Variants in PTPRA observed in about 807,000 individuals in gnomAD.
PTPRA encodes receptor-type tyrosine-protein phosphatase alpha.
Under a neutral mutation model 104.8 loss-of-function variants are expected in PTPRA, and 25 were observed. The observed-to-expected ratio is 0.24, with a 90% CI of 0.17 to 0.33. The LOEUF (loss-of-function observed/expected upper bound fraction) is 0.33, where lower values mean the gene tolerates loss of function less well. Ranked by LOEUF, PTPRA falls within the 10% of genes least tolerant of loss-of-function variation. The pLI is 1.00. For missense variants in PTPRA, 765 were observed against 1,015.3 expected (o/e 0.75, Z 3.35); for synonymous variants, 323 against 368.9 (o/e 0.88, Z 1.43).
At chr20:2,867,418 C>A in the PTPRA span, among the ~76,000 whole-genome samples, 4 of 152,176 alleles carry the variant, frequency 2.6e-5, no homozygotes, top group African/African-American at 9.7e-5. Context: ...ACCATGAACA[C>A]CAGACCCGCA....
At chr20:2,930,234 T>G (rs6138953) in intron 2 of PTPRA, among the ~76,000 whole-genome samples, 5,243 of 152,258 alleles carry the variant, frequency 0.034, 236 homozygotes, top group Admixed American at 0.1. Context: ...TTACTGAGAA[T>G]AGCAGGATGG....
chr20:2,990,339 C>T (rs73581790), intron 9 of PTPRA, among the ~76,000 whole-genome samples: 8,342 of 152,184 alleles, frequency 0.055, 727 homozygotes, highest in African/African-American at 0.19. Flanking sequence ...CTGGAGACTT[C>T]TCTTGTCACA....
rs1242521093 is a variant in PTPRA at position 2,883,483 on chromosome 20, T to A, written c.-129+9723T>A. Among the ~76,000 whole-genome samples the A allele has an allele frequency of 4.0e-5, 2 of 50,082 alleles. 1 individual carries two copies. The highest frequency in any genetic ancestry group is 2.8e-3 in the East Asian group (2 of 708). 32.9% of individuals were successfully genotyped at this position (50,082 alleles called of 152,430 possible). Reference sequence around the variant, plus strand: ...CTGGCTAACACGGTGAAACCCCGTCTCCACTAAAAATACAAAAAATTAGCC... The same window carrying A: ...CTGGCTAACACGGTGAAACCCCGTCACCACTAAAAATACAAAAAATTAGCC... On this transcript the variant is annotated intron_variant, in intron 1 of 23. Coordinates refer to ENST00000399903, the MANE Select transcript of PTPRA (RefSeq NM_001385305.1).
intron 13 of PTPRA, among the ~76,000 whole-genome samples, chr20:3,020,925 C>G (rs1388810375): frequency 6.6e-6 from 1 of 152,260 alleles, no homozygotes; most frequent in African/African-American, 2.4e-5. Context: ...TGGTGGCCCC[C>G]TCATAGCAGA....
intron 1 of PTPRA, among the ~76,000 whole-genome samples, chr20:2,906,108 T>C (rs1190792715): frequency 1.3e-5 from 2 of 152,202 alleles, no homozygotes; most frequent in African/African-American, 4.8e-5. Flanking sequence ...GTTATGGATA[T>C]GATATATTTG....
At chr20:2,912,055 C>T (rs1299871197) in intron 1 of PTPRA, among the ~76,000 whole-genome samples, 4 of 151,762 alleles carry the variant, frequency 2.6e-5, no homozygotes, top group Non-Finnish European at 5.9e-5. Context: ...CAAGCCTGGG[C>T]AACCTGGTGA....
chr20:2,969,936 C>G (rs1465411061), intron 5 of PTPRA, among the ~76,000 whole-genome samples: 1 of 151,674 alleles, frequency 6.6e-6, no homozygotes, highest in Admixed American at 6.6e-5. Context: ...CGCCACTACA[C>G]TCCAGCCTGG....
chr20:2,942,087 T>C (rs920771733), intron 2 of PTPRA, among the ~76,000 whole-genome samples: 2 of 152,204 alleles, frequency 1.3e-5, no homozygotes, highest in African/African-American at 4.8e-5. Flanking sequence ...AAATACTGAG[T>C]AAGCGGGTTA....
At chr20:3,031,631 C>T (rs2065459615) in intron 20 of PTPRA, among the ~76,000 whole-genome samples, 1 of 152,162 alleles carries the variant, frequency 6.6e-6, no homozygotes, top group South Asian at 2.1e-4. Flanking sequence ...AGGCATCCGC[C>T]CTGTTTACTG....
intron 11 of PTPRA, among the ~76,000 whole-genome samples, chr20:3,010,411 A>G (rs372921319): frequency 7.3e-5 from 11 of 151,642 alleles, no homozygotes; most frequent in East Asian, 4.0e-4. Flanking sequence ...GGCGGATCAC[A>G]AGGTCAGGAG....
At chr20:2,894,782 C>G (rs952777464) in intron 1 of PTPRA, among the ~76,000 whole-genome samples, 3 of 151,936 alleles carry the variant, frequency 2.0e-5, no homozygotes, top group East Asian at 1.9e-4. Flanking sequence ...GTCAGGAGAT[C>G]AAGACCATCT....
In PTPRA at chr20:3,027,714, G is replaced by T; in HGVS notation, c.1793G>T (p.Arg598Leu). Reference sequence around the variant, plus strand: ...TTAACCTGGCCTGTGCAGGGCTACCGGCAGAAGGACTCCTATATCGCCAGC... The same window carrying T: ...TTAACCTGGCCTGTGCAGGGCTACCTGCAGAAGGACTCCTATATCGCCAGC... ...YVNASFIDGYRQKDSYIASQG... is the reference protein window; with the variant it reads ...YVNASFIDGYLQKDSYIASQG... Residue 598 changes from arginine (R) to leucine (L), a missense_variant, in exon 20 of 24, where the codon CGG becomes CTG. Arg to Leu is a moderately radical substitution (Grantham distance 102). Coordinates refer to ENST00000399903, the MANE Select transcript of PTPRA (RefSeq NM_001385305.1). 1 of 1,613,850 alleles carries T rather than the reference G, an allele frequency of 6.2e-7. No individual in the cohort carries two copies. The highest frequency in any genetic ancestry group is 8.5e-7 in the Non-Finnish European group (1 of 1,179,958).
the PTPRA span, chr20:2,865,344 GGTCCCAGGACCAC>G: frequency 2.5e-6 from 4 of 1,614,074 alleles, no homozygotes; most frequent in Non-Finnish European, 3.4e-6. The surrounding 1 kb of genome is among the most constrained non-coding windows in gnomAD (Gnocchi z 5.2). Flanking sequence ...GCTGCATGTG[GGTCCCAGGACCAC>G]CTGCCTCTCC....
At chr20:2,918,097 A>G (rs1392949046) in intron 1 of PTPRA, among the ~76,000 whole-genome samples, 1 of 152,040 alleles carries the variant, frequency 6.6e-6, no homozygotes, top group Non-Finnish European at 1.5e-5. Flanking sequence ...CAAAAAAAAA[A>G]AAAAAAAAAA....
chr20:2,986,777 T>C lies in PTPRA; in HGVS notation c.455T>C (p.Ile152Thr), dbSNP rs1475792128. The change falls in exon 7 of 24, where the codon ATT becomes ACT. Residue 152 changes from isoleucine (I) to threonine (T), a missense_variant. Physicochemically the swap from Ile to Thr is moderately conservative, Grantham distance 89. Coordinates refer to ENST00000399903, the MANE Select transcript of PTPRA (RefSeq NM_001385305.1). ...DSKDRRDETP[I>T]IAVMVALSSL... ...GTCTTGATTTCAGATGAGACACCAATTATTGCGGTGATGGTGGCCCTGTCC... is the reference window on the plus strand; with the variant it reads ...GTCTTGATTTCAGATGAGACACCAACTATTGCGGTGATGGTGGCCCTGTCC... 1.9e-6 allele frequency: 3 copies of C among 1,612,158 alleles called. No individual in the cohort carries two copies. Among genetic ancestry groups the C allele is most frequent in the Non-Finnish European group, 2.5e-6 (3 of 1,178,274 alleles).
At chr20:2,864,461 A>G in the PTPRA span, 9 of 1,614,090 alleles carry the variant, frequency 5.6e-6, no homozygotes, top group Non-Finnish European at 6.8e-6. This position sits in a 1 kb window ranked among gnomAD's most constrained non-coding sequence, Gnocchi z 5.2. Flanking sequence ...TTGTACCGAC[A>G]GGTGTGTGTA....
intron 5 of PTPRA, among the ~76,000 whole-genome samples, chr20:2,971,190 G>T (rs1239573969): frequency 6.6e-6 from 1 of 152,036 alleles, no homozygotes; most frequent in Admixed American, 6.6e-5. Flanking sequence ...GAATTAACTT[G>T]TCTAGCAGGA....
At position 2,943,357 on chromosome 20, in the gene PTPRA, A is replaced by G. The variant is rs567483110; in HGVS notation, c.-49-4625A>G. The stretch of plus-strand genomic sequence containing the variant: ...AGTGGGGGAGGCTAGCAGGCTGGAG[A>G]CCCAGGAAGGAACTGCACTTCAAGT... On this transcript the variant is annotated intron_variant, in intron 2 of 23. Coordinates refer to ENST00000399903, the MANE Select transcript of PTPRA (RefSeq NM_001385305.1). Among the ~76,000 whole-genome samples the G allele has an allele frequency of 2.6e-5, 4 of 152,184 alleles. No individual in the cohort carries two copies. The East Asian group carries it at 7.7e-4, about 29-fold the overall frequency.
intron 16 of PTPRA, among the ~76,000 whole-genome samples, chr20:3,023,578 C>T (rs1351528191): frequency 6.6e-6 from 1 of 152,204 alleles, no homozygotes; most frequent in Non-Finnish European, 1.5e-5. Flanking sequence ...CCTACGTGCA[C>T]ATCAAGGCAC....
Sources: allele counts gnomAD v4.1 joint callset (sites outside exome capture counted in the v4.1 genomes callset), GRCh38; gene constraint gnomAD v4.1.1; non-coding constraint Gnocchi (gnomAD v3.1); transcripts MANE v1.5; gene names NCBI Gene and HGNC (gene_info 2026-07-23, HGNC 2026-07-21).